Variants in SPG7 observed in about 807,000 individuals in gnomAD.
The protein encoded by SPG7 is SPG7 matrix AAA peptidase subunit, paraplegin.
Under a neutral mutation model 81.9 loss-of-function variants are expected in SPG7, and 103 were observed. The ratio of observed to expected loss-of-function variants is 1.26; its 90% CI spans 1.07 to 1.48. The LOEUF (loss-of-function observed/expected upper bound fraction) is 1.48, where lower values mean the gene tolerates loss of function less well. Ranked by LOEUF, SPG7 falls within the 40% of genes most tolerant of loss-of-function variation. SPG7 has a pLI of 0.00. For synonymous variants in SPG7, 534 were observed against 444.2 expected (o/e 1.20, Z -2.54); for missense variants, 1,241 against 1,087.3 (o/e 1.14, Z -1.99).
rs778325447 is a variant in SPG7, at chr16:89,540,754, C to T, written c.1325-3894C>T. ...TAAACGTGTGCTCACCATGTGACCC[C>T]GTGTCCACATGCGCTCACCACATGA... On this transcript the variant is annotated intron_variant, in intron 9 of 16. Transcript: ENST00000645818. The T allele has an allele frequency of 3.1e-5, 10 of 325,616 alleles. No homozygotes were observed. In the Admixed American group the frequency reaches 3.9e-4, roughly 13 times the overall value. The allele number at this position is 325,616 out of a possible 1,614,324, so 20.2% of individuals were successfully genotyped here.
chr16:89,533,861 T>G (rs1383093764), intron 9 of SPG7: 1 of 152,132 alleles, frequency 6.6e-6, no homozygotes, highest in East Asian at 1.9e-4. Context: ...TAGCCAGGCT[T>G]GGTGGTGCAG....
chr16:89,544,582 C>A, intron 9 of SPG7, 66 bp from the exon 10 acceptor site: 1 of 1,599,090 alleles, frequency 6.3e-7, no homozygotes, highest in Admixed American at 1.7e-5. Context: ...GAAGGGGAAC[C>A]TGCAGGGGAA....
At chr16:89,537,382 G>A (rs903904788) in intron 9 of SPG7, 32 of 1,113,140 alleles carry the variant, frequency 2.9e-5, no homozygotes, top group African/African-American at 1.5e-4. Flanking sequence ...GATGGGGAGC[G>A]TCGGCGCTGA....
chr16:89,523,492 A>G (rs1367240410), intron 3 of SPG7: 5 of 347,280 alleles, frequency 1.4e-5, no homozygotes, highest in Non-Finnish European at 2.9e-5. Flanking sequence ...GTATTTGATC[A>G]AACTCCAAGC....
At chr16:89,523,939 C>G (rs896897567) in intron 3 of SPG7, 67 bp from the exon 4 acceptor site, 6 of 1,596,236 alleles carry the variant, frequency 3.8e-6, no homozygotes, top group Non-Finnish European at 4.3e-6. Flanking sequence ...CCTGAGGAAG[C>G]TCTGGATGTC....
Position 89,524,155 on chromosome 16 carries a change from G to C in SPG7, c.526G>C (p.Ala176Pro). The part of the protein sequence containing the change: ...SWNDFVHEML[A>P]KGEVQRVQVV... ...GAACGACTTTGTCCACGAGATGCTG[G>C]CCAAGGGCGAGGTGCAGCGCGTCCA... The change falls in exon 4 of 17, where the codon GCC becomes CCC. Residue 176 changes from alanine (A) to proline (P), a missense_variant. Physicochemically the swap from Ala to Pro is conservative, Grantham distance 27 (BLOSUM62 -1). Coordinates refer to ENST00000645818, the MANE Select transcript of SPG7 (RefSeq NM_003119.4). 1 of 1,614,112 alleles carries C rather than the reference G, an allele frequency of 6.2e-7. No individual in the cohort carries two copies. Among genetic ancestry groups the C allele is most frequent in the Non-Finnish European group, 8.5e-7 (1 of 1,180,030 alleles).
In SPG7 at chr16:89,557,384, TC is replaced by T. The variant is rs1253732967; in HGVS notation, c.*294del. Reference sequence around the variant, plus strand: ...AGTTCCCAGGGTTATAGACAGTCGTTCCCAGTGTGGCTGAGGCCACCCAGAG... The same window carrying T: ...AGTTCCCAGGGTTATAGACAGTCGTTCCAGTGTGGCTGAGGCCACCCAGAG... On this transcript the variant is annotated 3_prime_UTR_variant, in exon 17 of 17. Transcript: ENST00000645818. 6.7e-6 allele frequency: 3 copies of T among 449,370 alleles called. No homozygotes were observed. Among genetic ancestry groups the T allele is most frequent in the African/African-American group, 4.0e-5 (2 of 50,434 alleles). The allele number at this position is 449,370 out of a possible 1,614,324, so 27.8% of individuals were successfully genotyped here. A position where few individuals can be genotyped will look rare whatever the true frequency, so the allele number is the denominator to read the frequency against.
intron 5 of SPG7, 65 bp downstream of exon 5, chr16:89,526,533 G>A: frequency 6.3e-7 from 1 of 1,590,376 alleles, no homozygotes; most frequent in Non-Finnish European, 8.6e-7. Context: ...CTGAGAAACA[G>A]ATTGCAATCA....
intron 9 of SPG7, chr16:89,533,661 G>C (rs907978121): frequency 6.6e-6 from 1 of 152,180 alleles, no homozygotes; most frequent in Admixed American, 6.5e-5. Flanking sequence ...GCATCAGGGT[G>C]CTGCACTGCA....
rs1567931957 is a variant in SPG7, at chr16:89,550,614, G to T, written c.1779+5G>T. The T allele has an allele frequency of 6.2e-7, 1 of 1,604,072 alleles. No individual in the cohort carries two copies. Among genetic ancestry groups the T allele is most frequent in the South Asian group, 1.1e-5 (1 of 90,914 alleles). On this transcript the variant is annotated splice_donor_5th_base_variant and intron_variant, in intron 13 of 16. Coordinates refer to ENST00000645818, the MANE Select transcript of SPG7 (RefSeq NM_003119.4). ...CACACGGAGGCCGTGATGAAGGTGG[G>T]TCTTGGCAGGTGCCGGCTCCACGGG... is the stretch of plus-strand genomic sequence containing the variant.
chr16:89,509,092 C>T (rs375702316), intron 1 of SPG7: 1 of 402,912 alleles, frequency 2.5e-6, no homozygotes, highest in South Asian at 1.8e-5. Context: ...GTTATTGATA[C>T]AGTCATTGAG....
chr16:89,548,092 G>T lies in SPG7; in HGVS notation c.1642G>T (p.Ala548Ser). The T allele has an allele frequency of 6.2e-7, 1 of 1,607,162 alleles. No individual in the cohort carries two copies. Residue 548 changes from alanine to serine, a missense_variant, in exon 12 of 17, where the codon GCC becomes TCC. Ala to Ser is a moderately conservative substitution (Grantham distance 99). Coordinates refer to ENST00000645818, the MANE Select transcript of SPG7 (RefSeq NM_003119.4). ...CGTGCACACTCTCAACTTCGAGTACGCCGTGGAGCGCGTCCTCGCAGGTAC... is the reference window on the plus strand; with the variant it reads ...CGTGCACACTCTCAACTTCGAGTACTCCGTGGAGCGCGTCCTCGCAGGTAC... ...TSVHTLNFEY[A>S]VERVLAGTAK...
chr16:89,510,703 G>A (rs1012193508), intron 2 of SPG7, 111 bp downstream of exon 2: 9 of 727,968 alleles, frequency 1.2e-5, no homozygotes, highest in Admixed American at 2.0e-5. Flanking sequence ...CCTGTTGCAC[G>A]GGCTGGAGTG....
At chr16:89,544,539 G>C in intron 9 of SPG7, 109 bp from the exon 10 acceptor site, 1 of 1,301,774 alleles carries the variant, frequency 7.7e-7, no homozygotes, top group Non-Finnish European at 1.1e-6. Context: ...TTCTCTCTGG[G>C]CCTTAGGGGG....
At chr16:89,547,111 C>G in intron 11 of SPG7, 1 of 335,452 alleles carries the variant, frequency 3.0e-6, no homozygotes, top group Non-Finnish European at 5.8e-6. Flanking sequence ...CCGCCTCCCT[C>G]TGACCCTCAC....
rs982277188 is a variant in SPG7 at position 89,511,445 on chromosome 16, A to G, written c.286+853A>G. Among the ~76,000 whole-genome samples, 3 of 152,222 alleles carry G rather than the reference A, an allele frequency of 2.0e-5. No homozygotes were observed. Among genetic ancestry groups the G allele is most frequent in the Admixed American group, 2.0e-4 (3 of 15,278 alleles). ...TGGAGTTGGAACAGGGAAAAAGTAA[A>G]ATATTTCTACTCCTAACTAACATTA... On this transcript the variant is annotated intron_variant, in intron 2 of 16. Transcript: ENST00000645818.
At chr16:89,547,018 G>C in intron 11 of SPG7, 1 of 456,896 alleles carries the variant, frequency 2.2e-6, no homozygotes, top group African/African-American at 2.0e-5. Context: ...AGAGATAGTG[G>C]AGTTATGTTG....
At position 89,556,209 on chromosome 16, in the gene SPG7, T is replaced by C. The variant is rs8057593; in HGVS notation, c.2182-678T>C. On this transcript the variant is annotated intron_variant, in intron 16 of 16. Transcript: ENST00000645818. The stretch of plus-strand genomic sequence containing the variant: ...ACACCAGCCCTAGAGAGGAAGTGTT[T>C]GTCTCTTGCAATACAGCCACAGGTA... The C allele has an allele frequency of 4.8e-3, 1,909 of 399,164 alleles. 31 individuals are homozygous for C. Among genetic ancestry groups the C allele is most frequent in the African/African-American group, 0.036 (1,760 of 48,740 alleles). The allele number at this position is 399,164 out of a possible 1,614,324, so 24.7% of individuals were successfully genotyped here. A position where few individuals can be genotyped will look rare whatever the true frequency, so the allele number is the denominator to read the frequency against.
chr16:89,557,002 C>T lies in SPG7; in HGVS notation c.2297C>T (p.Ala766Val). 1.9e-6 allele frequency: 3 copies of T among 1,613,848 alleles called. No individual in the cohort carries two copies. The highest frequency in any genetic ancestry group is 2.5e-6 in the Non-Finnish European group (3 of 1,180,020). ...ATCGCACCGCAGAGGTGGATCGACG[C>T]CCAGAGGGAGAAACAGGACTTGGGC... ...KMIAPQRWIDAQREKQDLGEE... is the reference protein window; with the variant it reads ...KMIAPQRWIDVQREKQDLGEE... Residue 766 changes from alanine (A) to valine (V), a missense_variant, in exon 17 of 17, where the codon GCC becomes GTC. Physicochemically the swap from Ala to Val is moderately conservative, Grantham distance 64. Coordinates refer to ENST00000645818, the MANE Select transcript of SPG7 (RefSeq NM_003119.4).
Sources: gnomAD v4.1 joint callset for allele counts (sites outside exome capture counted in the v4.1 genomes callset) on GRCh38, gnomAD v4.1.1 for gene constraint, MANE v1.5 for transcripts, NCBI Gene and HGNC (gene_info 2026-07-23, HGNC 2026-07-21) for gene names.